Variants in COL4A1 observed in about 807,000 individuals in gnomAD.
COL4A1 encodes the protein collagen type IV alpha 1 chain, also known as collagen alpha-1(IV) chain.
COL4A1 carries 40 observed loss-of-function variants against 216.6 expected under a neutral mutation model. That is an observed-to-expected ratio of 0.18 (90% CI 0.14 to 0.24). COL4A1 has a LOEUF of 0.24. Among genes scored for constraint, COL4A1 ranks in the 10% least tolerant of loss-of-function variants. COL4A1 has a pLI of 1.00. For missense variants in COL4A1, 1,628 were observed against 2,196.8 expected (o/e 0.74, Z 5.18); for synonymous variants, 839 against 810.7 (o/e 1.03, Z -0.59).
chr13:110,156,831 G>C lies in COL4A1; in HGVS notation c.4641-1434C>G, dbSNP rs560115233. Among the ~76,000 whole-genome samples the C allele has an allele frequency of 1.0e-3, 153 of 152,260 alleles. 1 individual carries two copies. Among genetic ancestry groups the C allele is most frequent in the African/African-American group, 3.4e-3 (141 of 41,540 alleles). Reference sequence around the variant, plus strand: ...GAACGTGGATCAGAAGGGGGAATAGGGCTGAATGAGTCATTTGATTTTCCA... The same window carrying C: ...GAACGTGGATCAGAAGGGGGAATAGCGCTGAATGAGTCATTTGATTTTCCA... On this transcript the variant is annotated intron_variant, in intron 49 of 51. Transcript: ENST00000375820.
At chr13:110,209,861 G>A (rs774656938) in intron 10 of COL4A1, 119 bp downstream of exon 10, 3 of 1,247,372 alleles carry the variant, frequency 2.4e-6, no homozygotes, top group African/African-American at 1.5e-5. Flanking sequence ...ATTCCGCCAT[G>A]TCCAAATTAA....
intron 2 of COL4A1, among the ~76,000 whole-genome samples, chr13:110,219,431 A>G (rs1270888836): frequency 1.3e-5 from 2 of 152,098 alleles, no homozygotes; most frequent in Admixed American, 6.5e-5. Flanking sequence ...TAAACCAATC[A>G]TGCATAAAAA....
Position 110,170,735 on chromosome 13 carries a change from G to C in COL4A1, c.3557-3C>G, listed in dbSNP as rs185281604. ...GAAACCCACCTCACCCTTTGAACCT[G>C]AACAAGAAAAACAGTTTGAGGTGAT... On this transcript the variant is annotated splice_region_variant and splice_polypyrimidine_tract_variant and intron_variant, in intron 41 of 51. Coordinates refer to ENST00000375820, the MANE Select transcript of COL4A1 (RefSeq NM_001845.6). 5.6e-6 allele frequency: 9 copies of C among 1,614,140 alleles called. No homozygotes were observed. The highest frequency in any genetic ancestry group is 7.6e-6 in the Non-Finnish European group (9 of 1,180,020).
chr13:110,289,424 C>G (rs552162898), intron 1 of COL4A1, among the ~76,000 whole-genome samples: 1 of 152,136 alleles, frequency 6.6e-6, no homozygotes, highest in Non-Finnish European at 1.5e-5. Context: ...GGACAAGGCC[C>G]TGCGCACCCA....
chr13:110,181,079 C>T (rs1044407164), intron 29 of COL4A1, among the ~76,000 whole-genome samples: 25 of 152,222 alleles, frequency 1.6e-4, no homozygotes, highest in Non-Finnish European at 2.9e-4. Flanking sequence ...AAAATTGAAA[C>T]AAATGTTTCA....
At position 110,211,951 on chromosome 13, in the gene COL4A1, C is replaced by A. The variant is rs777815983; in HGVS notation, c.388-29G>T. 1.2e-6 allele frequency: 2 copies of A among 1,610,758 alleles called. No individual in the cohort carries two copies. The highest frequency in any genetic ancestry group is 1.1e-5 in the South Asian group (1 of 91,004). ...GGGAGACAGCAGAGCATCATTCATA[C>A]GCACTGTGTGTGGCAGACACATCAG... is the stretch of plus-strand genomic sequence containing the variant. On this transcript the variant is annotated intron_variant, in intron 6 of 51. Transcript: ENST00000375820. This position sits in a 1 kb window ranked among gnomAD's most constrained non-coding sequence, Gnocchi z 4.3.
chr13:110,181,313 G>A lies in COL4A1; in HGVS notation c.2172C>T (p.Asn724=). ...TCACCTTCTGGCCCTGCACACCTGGGTTCCCAGGTAAGCCATTAAATCCCG... is the reference window on the plus strand; with the variant it reads ...TCACCTTCTGGCCCTGCACACCTGGATTCCCAGGTAAGCCATTAAATCCCG... The part of the protein sequence containing the change: ...GRPGFNGLPG[N]PGVQGQKGEP... The change falls in exon 29 of 52, where the codon AAC becomes AAT. Residue 724 remains asparagine, a synonymous_variant. Transcript: ENST00000375820. 3 of 1,613,754 alleles carry A rather than the reference G, an allele frequency of 1.9e-6. No individual in the cohort carries two copies. Among genetic ancestry groups the A allele is most frequent in the Non-Finnish European group, 1.7e-6 (2 of 1,179,898 alleles).
intron 44 of COL4A1, among the ~76,000 whole-genome samples, chr13:110,166,560 A>G (rs1877347633): frequency 6.6e-6 from 1 of 152,208 alleles, no homozygotes; most frequent in Admixed American, 6.5e-5. Context: ...GACAGTGAAC[A>G]AATTTCCAAT....
chr13:110,305,588 C>T (rs942132039), intron 1 of COL4A1, among the ~76,000 whole-genome samples: 1 of 152,242 alleles, frequency 6.6e-6, no homozygotes, highest in African/African-American at 2.4e-5. Flanking sequence ...AAATAAAGTG[C>T]TCTCAAGCCT....
chr13:110,157,398 A>C (rs1876835545), intron 49 of COL4A1, among the ~76,000 whole-genome samples: 1 of 152,216 alleles, frequency 6.6e-6, no homozygotes. Flanking sequence ...TGCTGTTTCT[A>C]AAATTTAGCT....
At chr13:110,257,968 G>A (rs973130976) in intron 1 of COL4A1, among the ~76,000 whole-genome samples, 3 of 152,048 alleles carry the variant, frequency 2.0e-5, no homozygotes, top group African/African-American at 7.2e-5. Context: ...CATGTCCCTG[G>A]TCCTTCCATT....
intron 50 of COL4A1, among the ~76,000 whole-genome samples, chr13:110,154,219 G>A (rs948922253): frequency 2.6e-5 from 4 of 152,200 alleles, no homozygotes; most frequent in African/African-American, 7.2e-5. Flanking sequence ...GGCAAATTCC[G>A]GGATAACTCT....
rs754165294 is a variant in COL4A1 at position 110,205,347 on chromosome 13, G to A, written c.957+6C>T. On this transcript the variant is annotated splice_donor_region_variant and intron_variant, in intron 17 of 51. Transcript: ENST00000375820. Reference sequence around the variant, plus strand: ...GATAAAGGCTCACAATAGTGCCAGCGTTTACCTGCGGGCCCTGGCGGCCTA... The same window carrying A: ...GATAAAGGCTCACAATAGTGCCAGCATTTACCTGCGGGCCCTGGCGGCCTA... 35 of 1,613,976 alleles carry A rather than the reference G, an allele frequency of 2.2e-5. No homozygotes were observed. The East Asian group carries it at 3.1e-4, about 14-fold the overall frequency.
chr13:110,171,825 A>G (rs994526165), intron 41 of COL4A1, among the ~76,000 whole-genome samples: 1 of 152,242 alleles, frequency 6.6e-6, no homozygotes, highest in African/African-American at 2.4e-5. Context: ...CCCCTTGAGC[A>G]GGTGCATTTG....
chr13:110,191,435 A>G, intron 24 of COL4A1: 1 of 404,492 alleles, frequency 2.5e-6, no homozygotes, highest in Non-Finnish European at 4.4e-6. Flanking sequence ...AAAATACGAG[A>G]GGAACAATGC....
intron 1 of COL4A1, among the ~76,000 whole-genome samples, chr13:110,280,582 C>T (rs1883592069): frequency 6.6e-6 from 1 of 152,258 alleles, no homozygotes; most frequent in South Asian, 2.1e-4. Flanking sequence ...AGCAGCGCCG[C>T]ATGGCATGGG....
Position 110,207,778 on chromosome 13 carries a change from C to T in COL4A1, c.694-289G>A, listed in dbSNP as rs1879582969. 6.6e-6 allele frequency among the ~76,000 whole-genome samples: 1 copy of T among 152,142 alleles called. No homozygotes were observed. Among genetic ancestry groups the T allele is most frequent in the Non-Finnish European group, 1.5e-5 (1 of 68,034 alleles). On this transcript the variant is annotated intron_variant, in intron 12 of 51. Coordinates refer to ENST00000375820, the MANE Select transcript of COL4A1 (RefSeq NM_001845.6). The surrounding 1 kb of genome is among the most constrained non-coding windows in gnomAD (Gnocchi z 4.4). The stretch of plus-strand genomic sequence containing the variant: ...TGCAAGACACCTCCGGACTTGCGTG[C>T]CCCTGTATAGTGTATACTGGCTTCT...
chr13:110,183,042 G>T lies in COL4A1; in HGVS notation c.2046C>A (p.Gly682=). Residue 682 remains glycine, a synonymous_variant, in exon 28 of 52, where the codon GGC becomes GGA. Coordinates refer to ENST00000375820, the MANE Select transcript of COL4A1 (RefSeq NM_001845.6). ...PGRPGLPGEK[G]AVGQPGIGFP... is the part of the protein sequence containing the mutation. ...ATCCAATGCCTGGCTGGCCCACAGC[G>T]CCCTTCTCTCCTGGCAGGCCTGGCC... 6.2e-7 allele frequency: 1 copy of T among 1,613,378 alleles called. No individual in the cohort carries two copies. The highest frequency in any genetic ancestry group is 8.5e-7 in the Non-Finnish European group (1 of 1,179,916).
In COL4A1 at chr13:110,211,978, C is replaced by G; in HGVS notation, c.388-56G>C. ...CACTGTGTGTGGCAGACACATCAGC[C>G]CTGACATCGCATGCATCACTCTGCC... On this transcript the variant is annotated intron_variant, in intron 6 of 51. Transcript: ENST00000375820. The surrounding 1 kb of genome is among the most constrained non-coding windows in gnomAD (Gnocchi z 4.3). 1 of 1,509,558 alleles carries G rather than the reference C, an allele frequency of 6.6e-7. No homozygotes were observed. The highest frequency in any genetic ancestry group is 9.2e-7 in the Non-Finnish European group (1 of 1,084,624). The allele number at this position is 1,509,558 out of a possible 1,614,324, so 93.5% of individuals were successfully genotyped here.
Sources: allele counts gnomAD v4.1 joint callset (sites outside exome capture counted in the v4.1 genomes callset), GRCh38; gene constraint gnomAD v4.1.1; non-coding constraint Gnocchi (gnomAD v3.1); transcripts MANE v1.5; gene names NCBI Gene and HGNC (gene_info 2026-07-23, HGNC 2026-07-21).